TTC5: variants seen among roughly 807,000 people sequenced by gnomAD.
TTC5 encodes the protein tetratricopeptide repeat protein 5.
A neutral mutation model predicts 57.4 loss-of-function variants in TTC5; 46 were observed. The observed-to-expected ratio is 0.80, with a 90% confidence interval of 0.63 to 1.03. The LOEUF (loss-of-function observed/expected upper bound fraction) is 1.03. TTC5 is among the 50% of genes least tolerant of loss of function. The pLI, the probability that TTC5 is intolerant of heterozygous loss-of-function variation, is 0.00. For synonymous variants in TTC5, 190 were observed against 203.5 expected (o/e 0.93, Z 0.57); for missense variants, 504 against 528.1 (o/e 0.95, Z 0.45).
At chr14:20,293,984 C>T (rs150549852) in intron 8 of TTC5, 3 of 152,218 alleles carry the variant, frequency 2.0e-5, no homozygotes, top group Admixed American at 6.5e-5. Flanking sequence ...TAGGAGGCTG[C>T]CAAAGCCTTG....
rs1881905628 is a variant in TTC5, at chr14:20,289,385, A to G, written c.*242T>C. On this transcript the variant is annotated 3_prime_UTR_variant, in exon 10 of 10. Transcript: ENST00000258821. ...CAATTCCATGCTCTTTGCTTAAAAC[A>G]TAGAGAGCAGTGGAAGAGACAGGAG... The G allele has an allele frequency of 2.9e-6, 1 of 344,882 alleles. No homozygotes were observed. The highest frequency in any genetic ancestry group is 5.3e-6 in the Non-Finnish European group (1 of 189,486). The allele number at this position is 344,882 out of a possible 1,614,324, so 21.4% of individuals were successfully genotyped here. A position where few individuals can be genotyped will look rare whatever the true frequency, so the allele number is the denominator to read the frequency against.
chr14:20,289,594 C>T lies in TTC5; in HGVS notation c.*33G>A. The T allele has an allele frequency of 1.3e-6, 2 of 1,597,916 alleles. No homozygotes were observed. The highest frequency in any genetic ancestry group is 1.7e-6 in the Non-Finnish European group (2 of 1,171,392). On this transcript the variant is annotated 3_prime_UTR_variant, in exon 10 of 10. Transcript: ENST00000258821. ...GGCTGTCCAGAGCCTTGTCTCCTCT[C>T]CTCCACTCCCTGTTGAGCATGCAAG...
At chr14:20,301,443 T>C (rs1329860454) in intron 2 of TTC5, among the ~76,000 whole-genome samples, 1 of 152,094 alleles carries the variant, frequency 6.6e-6, no homozygotes, top group East Asian at 1.9e-4. Flanking sequence ...AGACTTCAGC[T>C]AGTCAATAGC....
In TTC5 at chr14:20,286,917, T is replaced by A. The variant is rs1305208086; in HGVS notation, c.*2710A>T. Reference sequence around the variant, plus strand: ...AAAAGATGCTCAAGCTCATTAATAATCAGAAATGCAAATTAAGGCCACAAG... The same window carrying A: ...AAAAGATGCTCAAGCTCATTAATAAACAGAAATGCAAATTAAGGCCACAAG... On this transcript the variant is annotated 3_prime_UTR_variant, in exon 10 of 10. Coordinates refer to ENST00000258821, the MANE Select transcript of TTC5 (RefSeq NM_138376.3). 1 of 152,042 alleles carries A rather than the reference T, an allele frequency of 6.6e-6. No individual in the cohort carries two copies. Among genetic ancestry groups the A allele is most frequent in the Admixed American group, 6.6e-5 (1 of 15,252 alleles). 9.4% of individuals were successfully genotyped at this position (152,042 alleles called of 1,614,324 possible).
rs936780467 is a variant in TTC5, at chr14:20,287,850, C to T, written c.*1777G>A. 1 of 152,206 alleles carries T rather than the reference C, an allele frequency of 6.6e-6. No homozygotes were observed. The highest frequency in any genetic ancestry group is 2.4e-5 in the African/African-American group (1 of 41,448). 9.4% of individuals were successfully genotyped at this position (152,206 alleles called of 1,614,324 possible). A position where few individuals can be genotyped will look rare whatever the true frequency, so the allele number is the denominator to read the frequency against. ...CAATTCTCAAGTTATTTTTATACCC[C>T]ACAAGCTCCTAATCACTCTTCTATG... On this transcript the variant is annotated 3_prime_UTR_variant, in exon 10 of 10. Coordinates refer to ENST00000258821, the MANE Select transcript of TTC5 (RefSeq NM_138376.3).
chr14:20,292,247 T>G, intron 8 of TTC5, 120 bp from the exon 9 acceptor site: 1 of 520,716 alleles, frequency 1.9e-6, no homozygotes, highest in Non-Finnish European at 3.0e-6. Flanking sequence ...CAGTGACAGG[T>G]AATTAAAATA....
chr14:20,295,947 GT>G (rs1213625715), intron 6 of TTC5, 93 bp from the exon 7 acceptor site: 2 of 1,278,084 alleles, frequency 1.6e-6, no homozygotes, highest in Non-Finnish European at 2.1e-6. Flanking sequence ...GAAATAAACT[GT>G]TTTCCTTCCT....
intron 1 of TTC5, among the ~76,000 whole-genome samples, chr14:20,304,480 T>C (rs1480948317): frequency 2.6e-5 from 4 of 152,376 alleles, no homozygotes; most frequent in East Asian, 1.9e-4. Flanking sequence ...ACACTCTTTT[T>C]ACACTAAAAT....
In TTC5 at chr14:20,300,607, A is replaced by G. The variant is rs754473117; in HGVS notation, c.396T>C (p.His132=). 3 of 1,610,116 alleles carry G rather than the reference A, an allele frequency of 1.9e-6. No homozygotes were observed. Among genetic ancestry groups the G allele is most frequent in the South Asian group, 2.2e-5 (2 of 90,896 alleles). ...TCCAAAGGGATAGGGGGCAGCTCAC[A>G]TGGGTGAGGGCTCCTGAGAAGCAGG... ...AHTCFSGALT[H]CRNKVSLQNL... is the part of the protein sequence containing the mutation. Residue 132 remains histidine, a splice_region_variant and synonymous_variant, in exon 3 of 10, where the codon CAT becomes CAC. Coordinates refer to ENST00000258821, the MANE Select transcript of TTC5 (RefSeq NM_138376.3).
chr14:20,302,469 G>C (rs1882213033), intron 1 of TTC5, among the ~76,000 whole-genome samples: 1 of 152,200 alleles, frequency 6.6e-6, no homozygotes. Flanking sequence ...AAACATGTTA[G>C]AGAGTCATTG....
Position 20,288,401 on chromosome 14 carries a change from AT to A in TTC5, c.*1225del. 1 of 152,410 alleles carries A rather than the reference AT, an allele frequency of 6.6e-6. No homozygotes were observed. Among genetic ancestry groups the A allele is most frequent in the Non-Finnish European group, 1.5e-5 (1 of 68,078 alleles). 9.4% of individuals were successfully genotyped at this position (152,410 alleles called of 1,614,324 possible). ...CTTCTCAATTCATCTGTATACATTA[AT>A]GTATTACAGCCATTCAGTTGTTGTT... On this transcript the variant is annotated 3_prime_UTR_variant, in exon 10 of 10. Transcript: ENST00000258821.
intron 1 of TTC5, among the ~76,000 whole-genome samples, chr14:20,303,969 G>A (rs1293059099): frequency 1.3e-5 from 2 of 152,148 alleles, no homozygotes; most frequent in Non-Finnish European, 2.9e-5. Context: ...ATCAATTCCA[G>A]AAAGGTTTTC....
chr14:20,295,260 G>C (rs1396801448), intron 8 of TTC5, 52 bp downstream of exon 8: 2 of 1,540,020 alleles, frequency 1.3e-6, no homozygotes, highest in Non-Finnish European at 1.8e-6. Context: ...AACAGGAAGT[G>C]AGAGCAATTA....
rs1241035184 is a variant in TTC5, at chr14:20,305,658, ATCT to A, written c.51+226_51+228del. The A allele has an allele frequency of 1.1e-4, 67 of 587,300 alleles. No individual in the cohort carries two copies. The South Asian group carries it at 1.2e-3, about 11-fold the overall frequency. The allele number at this position is 587,300 out of a possible 1,614,324, so 36.4% of individuals were successfully genotyped here. A position where few individuals can be genotyped will look rare whatever the true frequency, so the allele number is the denominator to read the frequency against. ...GTACATGAACAGTTAGGAGCAACAA[ATCT>A]TCTTCCATACAGGACTGAAATTAAC... On this transcript the variant is annotated intron_variant, in intron 1 of 9. Transcript: ENST00000258821.
At position 20,298,598 on chromosome 14, in the gene TTC5, G is replaced by A. The variant is rs549370123; in HGVS notation, c.639+199C>T. 2.2e-5 allele frequency among the ~76,000 whole-genome samples: 3 copies of A among 138,494 alleles called. No individual in the cohort carries two copies. The South Asian group carries it at 6.5e-4, about 30-fold the overall frequency. The allele number at this position is 138,494 out of a possible 152,430, so 90.9% of individuals were successfully genotyped here. On this transcript the variant is annotated intron_variant, in intron 5 of 9. Coordinates refer to ENST00000258821, the MANE Select transcript of TTC5 (RefSeq NM_138376.3). ...GAGCTATCCAGCACCAATGCGACAC[G>A]ATGCAAGTGGTTCCTAACACTCAAG...
chr14:20,296,280 CG>C, intron 6 of TTC5, 109 bp downstream of exon 6: 1 of 875,908 alleles, frequency 1.1e-6, no homozygotes, highest in South Asian at 1.4e-5. Context: ...GCTTTCCTCT[CG>C]CAGTCTGTAC....
Position 20,300,651 on chromosome 14 carries a change from C to A in TTC5, c.352G>T (p.Asp118Tyr). The A allele has an allele frequency of 3.7e-6, 6 of 1,613,946 alleles. No individual in the cohort carries two copies. The highest frequency in any genetic ancestry group is 5.1e-6 in the Non-Finnish European group (6 of 1,179,986). ...QLGEVYWKKGDVAAAHTCFSG... is the reference protein window; with the variant it reads ...QLGEVYWKKGYVAAAHTCFSG... ...AAGCAGGTGTGGGCAGCTGCAACAT[C>A]CCCTTTTTTCCAGTACACCTCACCC... The change falls in exon 3 of 10, where the codon GAT (aspartate) becomes TAT (tyrosine). Residue 118 changes from aspartate to tyrosine, a missense_variant. Physicochemically the swap from Asp to Tyr is radical, Grantham distance 160 (BLOSUM62 -3). Transcript: ENST00000258821.
At chr14:20,299,175 A>G in intron 4 of TTC5, 123 bp downstream of exon 4, 2 of 1,118,058 alleles carry the variant, frequency 1.8e-6, no homozygotes, top group South Asian at 3.1e-5. Context: ...GTGTGTCTTC[A>G]AAACAAAGAT....
At position 20,296,424 on chromosome 14, in the gene TTC5, G is replaced by C. The variant is rs746667663; in HGVS notation, c.662C>G (p.Ser221Cys). 6.2e-7 allele frequency: 1 copy of C among 1,613,264 alleles called. No individual in the cohort carries two copies. The highest frequency in any genetic ancestry group is 8.5e-7 in the Non-Finnish European group (1 of 1,179,184). Residue 221 changes from serine to cysteine, a missense_variant, in exon 6 of 10, where the codon TCT becomes TGT. Ser to Cys is a moderately radical substitution (Grantham distance 112). Transcript: ENST00000258821. ...GTTCAGATGAAGGTCAGGATTGCTA[G>C]AAGCTTTTCTGTCAACTTTCTCCTA... ...AQAEKVDRKA[S>C]SNPDLHLNRA...
Sources: gnomAD v4.1 joint callset for allele counts (sites outside exome capture counted in the v4.1 genomes callset) on GRCh38, gnomAD v4.1.1 for gene constraint, MANE v1.5 for transcripts, NCBI Gene and HGNC (gene_info 2026-07-23, HGNC 2026-07-21) for gene names.